Variants in STK3 observed in about 807,000 individuals in gnomAD.
The protein encoded by STK3 is serine/threonine-protein kinase 3.
STK3 carries 41 observed loss-of-function variants against 58.0 expected under a neutral mutation model. The ratio of observed to expected loss-of-function variants is 0.71; its 90% CI spans 0.55 to 0.92. The LOEUF is 0.92. Ranked by LOEUF, STK3 falls within the 40% of genes least tolerant of loss-of-function variation. STK3 has a pLI of 0.00. For synonymous variants in STK3, 170 were observed against 191.0 expected, an observed-to-expected ratio of 0.89 and a Z score of 0.91; for missense variants, 479 against 602.7, an observed-to-expected ratio of 0.79 and a Z score of 2.15.
rs1335195098 is a variant in STK3 at position 98,654,310 on chromosome 8, G to A, written c.684+52157C>T. 4.6e-5 allele frequency among the ~76,000 whole-genome samples: 7 copies of A among 152,160 alleles called. No homozygotes were observed. In the South Asian group the frequency reaches 8.3e-4, roughly 18 times the overall value. On this transcript the variant is annotated intron_variant, in intron 6 of 10. Transcript: ENST00000419617. ...CCTTCATGCTAAAAACTCTCAATAA[G>A]TTAGGTATTGATGGGACGTATGTCA...
At chr8:98,741,775 A>G (rs1256597439) in intron 4 of STK3, among the ~76,000 whole-genome samples, 6 of 152,198 alleles carry the variant, frequency 3.9e-5, no homozygotes, top group Non-Finnish European at 7.3e-5. Flanking sequence ...TAGAGACACA[A>G]AAGACTAATG....
chr8:98,757,713 TC>T (rs535479865), intron 3 of STK3, among the ~76,000 whole-genome samples: 50 of 151,950 alleles, frequency 3.3e-4, no homozygotes, highest in African/African-American at 1.2e-3. Context: ...CATTTATTTA[TC>T]TTTTTTTTTA....
chr8:98,783,138 T>C (rs1832219262), intron 1 of STK3, among the ~76,000 whole-genome samples: 1 of 152,134 alleles, frequency 6.6e-6, no homozygotes, highest in South Asian at 2.1e-4. Context: ...ATCTCAGAGA[T>C]ACTGCAGGTT....
chr8:98,905,572 T>C (rs1838865005), intron 1 of STK3: 4 of 1,093,836 alleles, frequency 3.7e-6, no homozygotes, highest in South Asian at 1.2e-5. Flanking sequence ...TAGTTCTTAA[T>C]GATGTCACAT....
Position 98,549,382 on chromosome 8 carries a change from G to A in STK3, c.949-1221C>T, listed in dbSNP as rs112573613. ...CTGATGTTGAGCAATCTTTTCGCAC[G>A]CTTATTAGCCATTTGTATATCTTCT... On this transcript the variant is annotated intron_variant, in intron 8 of 10. Transcript: ENST00000419617. 9.2e-3 allele frequency among the ~76,000 whole-genome samples: 1,393 copies of A among 152,122 alleles called. 9 individuals carry two copies. The highest frequency in any genetic ancestry group is 0.015 in the Non-Finnish European group (1,045 of 67,976).
At chr8:98,825,370 A>C (rs2131755848) in intron 1 of STK3, 145 bp downstream of exon 1, 1 of 630,412 alleles carries the variant, frequency 1.6e-6, no homozygotes. Flanking sequence ...GCGGCGGGAC[A>C]CTCGGACCCG....
intron 6 of STK3, among the ~76,000 whole-genome samples, chr8:98,698,403 A>AT (rs1411331095): frequency 2.0e-5 from 3 of 152,030 alleles, no homozygotes; most frequent in Non-Finnish European, 4.4e-5. Context: ...TGATCCTGTC[A>AT]TTTTGATGTT....
At chr8:98,782,811 G>C (rs1180348778) in intron 1 of STK3, among the ~76,000 whole-genome samples, 1 of 151,454 alleles carries the variant, frequency 6.6e-6, no homozygotes, top group African/African-American at 2.4e-5. Flanking sequence ...AAAGGAAAAA[G>C]TGTTATTTAA....
chr8:98,360,367 C>G, the STK3 span, among the ~76,000 whole-genome samples: 1 of 152,198 alleles, frequency 6.6e-6, no homozygotes, highest in African/African-American at 2.4e-5. Context: ...AACTTGCGCT[C>G]CACAAAGGTG....
intron 6 of STK3, among the ~76,000 whole-genome samples, chr8:98,660,928 T>C (rs1337055721): frequency 6.6e-6 from 1 of 151,962 alleles, no homozygotes; most frequent in African/African-American, 2.4e-5. Flanking sequence ...ACTGAGAGAA[T>C]TCACTGCTAG....
chr8:98,448,856 C>CT (rs907469553), intron 1 of STK3, among the ~76,000 whole-genome samples: 19 of 152,142 alleles, frequency 1.2e-4, no homozygotes, highest in South Asian at 4.2e-4. Flanking sequence ...TTGCTCTCAT[C>CT]TTTTTTTTCC....
At chr8:98,908,654 C>A (rs965817251) in intron 1 of STK3, among the ~76,000 whole-genome samples, 1 of 151,822 alleles carries the variant, frequency 6.6e-6, no homozygotes, top group African/African-American at 2.4e-5. Context: ...ACCAGACTGG[C>A]CAACATGGTG....
downstream of STK3, among the ~76,000 whole-genome samples, chr8:98,453,792 G>T (rs1389001625): frequency 7.9e-5 from 12 of 152,122 alleles, no homozygotes; most frequent in Non-Finnish European, 4.4e-5. Flanking sequence ...TCATGTAGGT[G>T]GTTTTGCTTG....
At chr8:98,473,985 A>G (rs1000852148) in intron 10 of STK3, among the ~76,000 whole-genome samples, 2 of 152,112 alleles carry the variant, frequency 1.3e-5, no homozygotes, top group African/African-American at 4.8e-5. Context: ...GTATTGCAAT[A>G]CTCAGTAAGT....
At chr8:98,676,127 G>C (rs1439423176) in intron 6 of STK3, among the ~76,000 whole-genome samples, 1 of 152,172 alleles carries the variant, frequency 6.6e-6, no homozygotes, top group Non-Finnish European at 1.5e-5. Flanking sequence ...AATATTTCTT[G>C]ATTCCACTTA....
At chr8:98,511,302 A>G (rs1419030873) in intron 10 of STK3, among the ~76,000 whole-genome samples, 1 of 152,010 alleles carries the variant, frequency 6.6e-6, no homozygotes, top group Non-Finnish European at 1.5e-5. Flanking sequence ...AAATATAACA[A>G]TGTAAGATAC....
chr8:98,372,541 GT>G (rs11327416), intron 2 of STK3, among the ~76,000 whole-genome samples: 107,050 of 150,610 alleles, frequency 0.71, 38,238 homozygotes, highest in African/African-American at 0.77. Flanking sequence ...GTGGTTTTTT[GT>G]TTTTTTTTTT....
intron 1 of STK3, among the ~76,000 whole-genome samples, chr8:98,793,290 G>C (rs1034776869): frequency 6.6e-6 from 1 of 152,006 alleles, no homozygotes; most frequent in Non-Finnish European, 1.5e-5. Flanking sequence ...ACTTACTCCT[G>C]TAACCAAACA....
chr8:98,694,643 T>G (rs1824709826), intron 6 of STK3, among the ~76,000 whole-genome samples: 1 of 152,226 alleles, frequency 6.6e-6, no homozygotes, highest in African/African-American at 2.4e-5. Flanking sequence ...GAATCATGAT[T>G]TCCAACTTCA....
Sources: gnomAD v4.1 joint callset for allele counts (sites outside exome capture counted in the v4.1 genomes callset) on GRCh38, gnomAD v4.1.1 for gene constraint, MANE v1.5 for transcripts, NCBI Gene and HGNC (gene_info 2026-07-23, HGNC 2026-07-21) for gene names.